The following RAD51B variants were observed in gnomAD, a reference collection of about 807,000 sequenced individuals.
RAD51B encodes RAD51 paralog B.
RAD51B carries 38 observed loss-of-function variants against 42.2 expected under a neutral mutation model. That is an observed-to-expected ratio of 0.90 (90% CI 0.70 to 1.18). RAD51B has a LOEUF of 1.18. Among genes scored for constraint, RAD51B ranks in the 50% most tolerant of loss-of-function variants. The pLI is 0.00. For synonymous variants in RAD51B, 154 were observed against 145.2 expected (o/e 1.06, Z -0.43); for missense variants, 373 against 400.7 (o/e 0.93, Z 0.59).
At chr14:67,871,644 T>C (rs1461576804) in intron 5 of RAD51B, among the ~76,000 whole-genome samples, 1 of 152,004 alleles carries the variant, frequency 6.6e-6, no homozygotes, top group South Asian at 2.1e-4. Context: ...AAAAAGAGAA[T>C]TTTAGACCAA....
At chr14:68,015,767 G>A (rs988147086) in intron 7 of RAD51B, among the ~76,000 whole-genome samples, 5 of 152,126 alleles carry the variant, frequency 3.3e-5, no homozygotes, top group African/African-American at 1.2e-4. Flanking sequence ...GAGTGATATA[G>A]GTTATAAAAC....
intron 10 of RAD51B, among the ~76,000 whole-genome samples, chr14:68,588,313 A>T (rs1890584529): frequency 6.6e-6 from 1 of 152,238 alleles, no homozygotes; most frequent in South Asian, 2.1e-4. Context: ...CAGCACAGAG[A>T]TGATTGCTCA....
chr14:68,620,595 A>G (rs546352260), intron 10 of RAD51B, among the ~76,000 whole-genome samples: 26 of 152,352 alleles, frequency 1.7e-4, no homozygotes, highest in African/African-American at 6.0e-4. Flanking sequence ...GACATTTTTT[A>G]CTGAAGGGAG....
At chr14:68,014,713 A>G (rs934824753) in intron 7 of RAD51B, among the ~76,000 whole-genome samples, 5 of 151,890 alleles carry the variant, frequency 3.3e-5, no homozygotes, top group Admixed American at 2.6e-4. Context: ...TAAATAAATA[A>G]ATAAATAAAT....
At chr14:68,068,772 A>G (rs769241867) in intron 7 of RAD51B, among the ~76,000 whole-genome samples, 1 of 152,188 alleles carries the variant, frequency 6.6e-6, no homozygotes, top group Non-Finnish European at 1.5e-5. Flanking sequence ...ATACACACCA[A>G]TACTTATTAT....
intron 11 of RAD51B, among the ~76,000 whole-genome samples, chr14:68,676,825 G>A (rs924761443): frequency 2.6e-5 from 4 of 152,232 alleles, no homozygotes; most frequent in South Asian, 2.1e-4. Context: ...GATGACGGGC[G>A]TCCCCGCCCA....
rs528011371 is a variant in RAD51B at position 68,147,979 on chromosome 14, T to C, written c.757-143905T>C. On this transcript the variant is annotated intron_variant, in intron 7 of 10. Transcript: ENST00000471583. ...CTACATGACCTTTGCAATCCATGTCTCTTACCCTTCCTTACCTTACCCTCA... is the reference window on the plus strand; with the variant it reads ...CTACATGACCTTTGCAATCCATGTCCCTTACCCTTCCTTACCTTACCCTCA... 5.9e-5 allele frequency among the ~76,000 whole-genome samples: 9 copies of C among 152,296 alleles called. No individual in the cohort carries two copies. The South Asian group carries it at 8.3e-4, about 14-fold the overall frequency.
chr14:68,248,066 G>A (rs991840719), intron 7 of RAD51B, among the ~76,000 whole-genome samples: 5 of 152,194 alleles, frequency 3.3e-5, no homozygotes, highest in African/African-American at 9.7e-5. Flanking sequence ...CCAGCACAGC[G>A]AGGAAGCTAC....
chr14:68,267,035 C>T (rs11847821), intron 7 of RAD51B, among the ~76,000 whole-genome samples: 11,018 of 152,216 alleles, frequency 0.072, 1,319 homozygotes, highest in African/African-American at 0.25. Context: ...GACCAAACCT[C>T]GAGCTCTCTC....
At chr14:67,909,247 C>G (rs2043884311) in intron 7 of RAD51B, among the ~76,000 whole-genome samples, 1 of 152,044 alleles carries the variant, frequency 6.6e-6, no homozygotes, top group Non-Finnish European at 1.5e-5. Context: ...AAGACTAACA[C>G]TCTAGATGTG....
chr14:67,910,119 C>T (rs1424755185), intron 7 of RAD51B, among the ~76,000 whole-genome samples: 1 of 151,966 alleles, frequency 6.6e-6, no homozygotes, highest in Non-Finnish European at 1.5e-5. Context: ...ACATTTTAGC[C>T]TTTGGCCCAT....
At chr14:68,506,975 C>G (rs1885373739) in intron 10 of RAD51B, among the ~76,000 whole-genome samples, 1 of 152,022 alleles carries the variant, frequency 6.6e-6, no homozygotes, top group Non-Finnish European at 1.5e-5. Context: ...AGTTCATTTC[C>G]TGTACTAGTT....
At chr14:68,451,765 T>A (rs940471776) in intron 9 of RAD51B, among the ~76,000 whole-genome samples, 2 of 152,230 alleles carry the variant, frequency 1.3e-5, no homozygotes, top group Non-Finnish European at 2.9e-5. Flanking sequence ...GGGCCAGGGA[T>A]GTGGTACATT....
intron 10 of RAD51B, among the ~76,000 whole-genome samples, chr14:68,506,425 C>CCT (rs1388960113): frequency 6.6e-6 from 1 of 152,244 alleles, no homozygotes; most frequent in Non-Finnish European, 1.5e-5. Flanking sequence ...CTCACGACCT[C>CCT]CTCTCTGTTG....
chr14:68,090,180 G>A (rs1243270276), intron 7 of RAD51B, among the ~76,000 whole-genome samples: 1 of 152,148 alleles, frequency 6.6e-6, no homozygotes, highest in Non-Finnish European at 1.5e-5. Context: ...TATATCAAGA[G>A]CTTGGAGTAC....
At chr14:68,567,874 C>A (rs973537700) in intron 10 of RAD51B, among the ~76,000 whole-genome samples, 4 of 152,200 alleles carry the variant, frequency 2.6e-5, no homozygotes, top group African/African-American at 9.7e-5. Flanking sequence ...TTGGATTCTA[C>A]CATAGTGCCT....
chr14:68,166,243 G>T (rs1316978054), intron 7 of RAD51B, among the ~76,000 whole-genome samples: 1 of 150,900 alleles, frequency 6.6e-6, no homozygotes, highest in African/African-American at 2.4e-5. Flanking sequence ...AACCTGACAG[G>T]CATGTTGTGA....
At chr14:68,526,499 C>T (rs1244709199) in intron 10 of RAD51B, among the ~76,000 whole-genome samples, 1 of 152,246 alleles carries the variant, frequency 6.6e-6, no homozygotes, top group East Asian at 1.9e-4. Flanking sequence ...TGCTGAAGCT[C>T]AGGTGTGGAC....
chr14:68,450,581 G>A (rs148605988), intron 9 of RAD51B, among the ~76,000 whole-genome samples: 16 of 152,146 alleles, frequency 1.1e-4, no homozygotes, highest in African/African-American at 3.1e-4. Flanking sequence ...AAGGGCCCTC[G>A]GGGAGAGACG....
Sources: allele counts gnomAD v4.1 joint callset (sites outside exome capture counted in the v4.1 genomes callset), GRCh38; gene constraint gnomAD v4.1.1; transcripts MANE v1.5; gene names NCBI Gene and HGNC (gene_info 2026-07-23, HGNC 2026-07-21).